Variants in AGBL1 observed in about 807,000 individuals in gnomAD.
AGBL1 encodes AGBL carboxypeptidase 1.
A neutral mutation model predicts 118.9 loss-of-function variants in AGBL1; 130 were observed. The ratio of observed to expected loss-of-function variants is 1.09; its 90% CI spans 0.95 to 1.26. The LOEUF (loss-of-function observed/expected upper bound fraction) is 1.26, where lower values mean the gene tolerates loss of function less well. Ranked by LOEUF, AGBL1 falls within the 50% of genes most tolerant of loss-of-function variation. The pLI is 0.00. For missense variants in AGBL1, 1,584 were observed against 1,298.1 expected (o/e 1.22, Z -3.38); for synonymous variants, 555 against 478.9 (o/e 1.16, Z -2.08).
chr15:87,018,937 C>A (rs544843446), intron 24 of AGBL1, among the ~76,000 whole-genome samples: 5 of 151,814 alleles, frequency 3.3e-5, no homozygotes, highest in African/African-American at 1.2e-4. Context: ...GAAAATTTAC[C>A]AAATGGAAAA....
At chr15:86,285,455 A>G (rs375990621) in intron 16 of AGBL1, among the ~76,000 whole-genome samples, 1 of 152,114 alleles carries the variant, frequency 6.6e-6, no homozygotes, top group South Asian at 2.1e-4. Context: ...TGCTGTTCTC[A>G]TGATAGTGAA....
At chr15:86,701,935 C>T (rs1056012615) in intron 22 of AGBL1, among the ~76,000 whole-genome samples, 2 of 149,348 alleles carry the variant, frequency 1.3e-5, no homozygotes, top group Non-Finnish European at 3.0e-5. Flanking sequence ...CCTTCCCCTC[C>T]CCTCCTCTAT....
chr15:86,349,958 C>T (rs553690531), intron 17 of AGBL1, among the ~76,000 whole-genome samples: 1 of 152,310 alleles, frequency 6.6e-6, no homozygotes, highest in East Asian at 1.9e-4. Flanking sequence ...TTGTGAAGAT[C>T]AAGCAGCTTA....
chr15:86,407,575 A>G (rs1897266), intron 18 of AGBL1, among the ~76,000 whole-genome samples: 44,077 of 152,042 alleles, frequency 0.29, 6,979 homozygotes, highest in East Asian at 0.62. Flanking sequence ...ATGTTTTACT[A>G]TAGGTCAGAT....
intron 18 of AGBL1, among the ~76,000 whole-genome samples, chr15:86,425,111 T>C (rs758864496): frequency 1.1e-4 from 17 of 152,188 alleles, no homozygotes; most frequent in Non-Finnish European, 2.2e-4. Context: ...TGCAGCACTA[T>C]TCACAATAGC....
At chr15:87,003,666 G>T (rs533640552) in intron 24 of AGBL1, among the ~76,000 whole-genome samples, 19 of 150,220 alleles carry the variant, frequency 1.3e-4, no homozygotes, top group South Asian at 4.3e-4. Flanking sequence ...CCTGTTATTG[G>T]TCTATTCAGA....
chr15:86,516,127 T>C (rs187849587), intron 18 of AGBL1, among the ~76,000 whole-genome samples: 21 of 152,332 alleles, frequency 1.4e-4, no homozygotes, highest in Non-Finnish European at 2.4e-4. Context: ...TAGTCACTTA[T>C]GCCTGAGTCT....
chr15:86,503,801 A>G (rs1349401390), intron 18 of AGBL1, among the ~76,000 whole-genome samples: 4 of 151,514 alleles, frequency 2.6e-5, no homozygotes, highest in African/African-American at 9.7e-5. Context: ...ATATATTTGT[A>G]TGATTTAAAT....
At chr15:86,188,831 A>G (rs2077672515) in intron 5 of AGBL1, among the ~76,000 whole-genome samples, 1 of 152,192 alleles carries the variant, frequency 6.6e-6, no homozygotes, top group African/African-American at 2.4e-5. Flanking sequence ...AAAGTGTGAG[A>G]CAAGAAGAAA....
At chr15:86,856,388 GA>G (rs1194622243) in intron 22 of AGBL1, among the ~76,000 whole-genome samples, 2 of 151,994 alleles carry the variant, frequency 1.3e-5, no homozygotes, top group African/African-American at 4.8e-5. Context: ...AGATAAAATG[GA>G]AAAAAACCTT....
intron 23 of AGBL1, among the ~76,000 whole-genome samples, chr15:86,981,330 G>A (rs1480188640): frequency 6.6e-6 from 1 of 152,114 alleles, no homozygotes; most frequent in African/African-American, 2.4e-5. Context: ...CTCATTAGTT[G>A]CATCGTACAG....
At chr15:86,714,392 A>T (rs1032902656) in intron 22 of AGBL1, among the ~76,000 whole-genome samples, 9 of 152,200 alleles carry the variant, frequency 5.9e-5, no homozygotes, top group Non-Finnish European at 1.3e-4. Context: ...ACAGATCATA[A>T]GATAAACTAT....
intron 13 of AGBL1, among the ~76,000 whole-genome samples, chr15:86,268,483 C>T (rs190581998): frequency 1.8e-3 from 277 of 152,288 alleles, no homozygotes; most frequent in Non-Finnish European, 2.9e-3. Flanking sequence ...GGCTAAGCTG[C>T]TGGCCCGGCT....
chr15:86,633,143 G>A (rs985335954), intron 21 of AGBL1, among the ~76,000 whole-genome samples: 3 of 152,100 alleles, frequency 2.0e-5, no homozygotes, highest in Admixed American at 6.5e-5. Context: ...CAACTACAGA[G>A]AAAACATAGA....
rs2080404607 is a variant in AGBL1 at position 86,915,262 on chromosome 15, G to C, written c.*7968G>C. On this transcript the variant is annotated 3_prime_UTR_variant, in exon 23 of 23. Coordinates refer to ENST00000614907, the MANE Select transcript of AGBL1 (RefSeq NM_001386094.1). ...TCCCTGTGCAGCCTGATAGTATTAG[G>C]AAGGAAAACCGGCTTCTACTTTCGC... is the stretch of plus-strand genomic sequence containing the variant. The C allele has an allele frequency of 6.6e-6, 1 of 152,164 alleles. No homozygotes were observed. The highest frequency in any genetic ancestry group is 2.1e-4 in the South Asian group (1 of 4,824). 9.4% of individuals were successfully genotyped at this position (152,164 alleles called of 1,614,324 possible). A position where few individuals can be genotyped will look rare whatever the true frequency, so the allele number is the denominator to read the frequency against.
intron 21 of AGBL1, among the ~76,000 whole-genome samples, chr15:86,632,231 G>A (rs2084983029): frequency 6.9e-6 from 1 of 145,768 alleles, no homozygotes; most frequent in African/African-American, 2.6e-5. Context: ...TCATGCCACT[G>A]CACTCCAGCC....
intron 24 of AGBL1, among the ~76,000 whole-genome samples, chr15:87,021,624 A>G (rs1313321702): frequency 2.6e-5 from 4 of 152,178 alleles, no homozygotes; most frequent in East Asian, 1.9e-4. Context: ...TCCAGAGTCT[A>G]TAAGGAACTT....
intron 23 of AGBL1, among the ~76,000 whole-genome samples, chr15:86,942,164 T>A (rs1404265230): frequency 6.6e-6 from 1 of 152,080 alleles, no homozygotes; most frequent in Non-Finnish European, 1.5e-5. Context: ...CGCAAAACAT[T>A]CAGTACACAG....
intron 24 of AGBL1, among the ~76,000 whole-genome samples, chr15:87,024,384 T>C (rs2081702705): frequency 6.6e-6 from 1 of 151,936 alleles, no homozygotes; most frequent in African/African-American, 2.4e-5. Context: ...CTAGAAGAAA[T>C]GGATAAACTC....
Sources: gnomAD v4.1 joint callset for allele counts (sites outside exome capture counted in the v4.1 genomes callset) on GRCh38, gnomAD v4.1.1 for gene constraint, MANE v1.5 for transcripts, NCBI Gene and HGNC (gene_info 2026-07-23, HGNC 2026-07-21) for gene names.